The following TNFAIP8L1 variants were observed in gnomAD, a reference collection of about 807,000 sequenced individuals.
The protein encoded by TNFAIP8L1 is TNF alpha induced protein 8 like 1.
For missense variants in TNFAIP8L1, 225 were observed against 266.1 expected, an observed-to-expected ratio of 0.85 and a Z score of 1.08; for synonymous variants, 127 against 125.6, an observed-to-expected ratio of 1.01 and a Z score of -0.08.
At chr19:4,639,718 C>A (rs925542649) in intron 1 of TNFAIP8L1, 89 bp downstream of exon 1, 1 of 152,438 alleles carries the variant, frequency 6.6e-6, no homozygotes, top group African/African-American at 2.4e-5. Context: ...CTTAATGCTT[C>A]TGCACCCCAC....
intron 1 of TNFAIP8L1, 69 bp from the exon 2 acceptor site, chr19:4,651,798 G>A: frequency 1.3e-6 from 2 of 1,492,474 alleles, no homozygotes; most frequent in Non-Finnish European, 1.8e-6. Context: ...GGTCTGTGGT[G>A]TTGTCACCTC....
Position 4,647,724 on chromosome 19 carries a change from C to T in TNFAIP8L1, c.-3-4143C>T, listed in dbSNP as rs541783043. On this transcript the variant is annotated intron_variant, in intron 1 of 1. Coordinates refer to ENST00000327473, the MANE Select transcript of TNFAIP8L1 (RefSeq NM_152362.3). The stretch of plus-strand genomic sequence containing the variant: ...GCAGCCTTGACCTCGTGGGCTCAAG[C>T]GATTCTCCCCCTCTCAGCCTCCCGA... 1.3e-4 allele frequency among the ~76,000 whole-genome samples: 20 copies of T among 149,060 alleles called. No individual in the cohort carries two copies. In the South Asian group the frequency reaches 4.1e-3, roughly 30 times the overall value.
chr19:4,652,466 TTGGGGCTCTCCTGC>T lies in TNFAIP8L1; in HGVS notation c.*41_*54del. 1 of 1,473,670 alleles carries T rather than the reference TTGGGGCTCTCCTGC, an allele frequency of 6.8e-7. No homozygotes were observed. The highest frequency in any genetic ancestry group is 1.4e-5 in the African/African-American group (1 of 70,390). 91.3% of individuals were successfully genotyped at this position (1,473,670 alleles called of 1,614,324 possible). A position where few individuals can be genotyped will look rare whatever the true frequency, so the allele number is the denominator to read the frequency against. On this transcript the variant is annotated 3_prime_UTR_variant, in exon 2 of 2. Transcript: ENST00000327473. ...CGCCCAACCGCGCCCCTCGCGCCTT[TTGGGGCTCTCCTGC>T]TGGGCGCGGGTGGGGTTTGTGGGTT...
At chr19:4,649,666 A>C (rs997100392) in intron 1 of TNFAIP8L1, among the ~76,000 whole-genome samples, 1 of 152,222 alleles carries the variant, frequency 6.6e-6, no homozygotes, top group Admixed American at 6.5e-5. Flanking sequence ...CTCTTCTGCA[A>C]AACAGGCAAC....
At chr19:4,648,051 C>G (rs2088328416) in intron 1 of TNFAIP8L1, among the ~76,000 whole-genome samples, 1 of 152,192 alleles carries the variant, frequency 6.6e-6, no homozygotes, top group Admixed American at 6.5e-5. Flanking sequence ...TTCTGCAAAG[C>G]AGGCAACCTG....
rs1449750164 is a variant in TNFAIP8L1, at chr19:4,652,764, A to C, written c.*334A>C. The C allele has an allele frequency of 9.8e-6, 3 of 305,140 alleles. No homozygotes were observed. The highest frequency in any genetic ancestry group is 1.9e-5 in the Non-Finnish European group (3 of 157,628). The allele number at this position is 305,140 out of a possible 1,614,324, so 18.9% of individuals were successfully genotyped here. A position where few individuals can be genotyped will look rare whatever the true frequency, so the allele number is the denominator to read the frequency against. ...TAAAAGCCAAAAGCTGCTGCCTCCC[A>C]CTTGGATCATGTCGCCTGGGATTTT... On this transcript the variant is annotated 3_prime_UTR_variant, in exon 2 of 2. Transcript: ENST00000327473.
chr19:4,651,896 G>A lies in TNFAIP8L1; in HGVS notation c.27G>A (p.Leu9=). The change falls in exon 2 of 2, where the codon CTG becomes CTA. Residue 9 remains leucine (L), a synonymous_variant. Coordinates refer to ENST00000327473, the MANE Select transcript of TNFAIP8L1 (RefSeq NM_152362.3). Reference sequence around the variant, plus strand: ...TGGACACCTTCAGCACCAAGAGCCTGGCTCTGCAGGCGCAGAAGAAGCTCC... The same window carrying A: ...TGGACACCTTCAGCACCAAGAGCCTAGCTCTGCAGGCGCAGAAGAAGCTCC... MDTFSTKS[L]ALQAQKKLLS... 6.2e-7 allele frequency: 1 copy of A among 1,609,136 alleles called. No homozygotes were observed. Among genetic ancestry groups the A allele is most frequent in the Non-Finnish European group, 8.5e-7 (1 of 1,176,120 alleles).
rs952563416 is a variant in TNFAIP8L1 at position 4,645,792 on chromosome 19, T to TG, written c.-3-6072dup. ...GGTGCCTGGTCACCCATTTTGCAGATGGGAAAGCTGCCCCCATGCATGGGG... is the reference window on the plus strand; with the variant it reads ...GGTGCCTGGTCACCCATTTTGCAGATGGGGAAAGCTGCCCCCATGCATGGGG... On this transcript the variant is annotated intron_variant, in intron 1 of 1. Coordinates refer to ENST00000327473, the MANE Select transcript of TNFAIP8L1 (RefSeq NM_152362.3). This position sits in a 1 kb window ranked among gnomAD's most constrained non-coding sequence, Gnocchi z 4.1. Among the ~76,000 whole-genome samples the TG allele has an allele frequency of 6.6e-6, 1 of 151,214 alleles. No individual in the cohort carries two copies. Among genetic ancestry groups the TG allele is most frequent in the African/African-American group, 2.4e-5 (1 of 41,060 alleles).
Position 4,641,118 on chromosome 19 carries a change from C to T in TNFAIP8L1, c.-4+1489C>T, listed in dbSNP as rs1426383178. On this transcript the variant is annotated intron_variant, in intron 1 of 1. Transcript: ENST00000327473. This position sits in a 1 kb window ranked among gnomAD's most constrained non-coding sequence, Gnocchi z 4.6. The stretch of plus-strand genomic sequence containing the variant: ...TCTGAGGCCCCGCGGTACGGCCCCT[C>T]CCACTGTGTGGCCTTGGACCGACGG... 2.0e-5 allele frequency: 3 copies of T among 152,310 alleles called. No homozygotes were observed. The highest frequency in any genetic ancestry group is 7.2e-5 in the African/African-American group (3 of 41,436). The allele number at this position is 152,310 out of a possible 1,614,324, so 9.4% of individuals were successfully genotyped here.
chr19:4,640,580 C>T (rs542116138), intron 1 of TNFAIP8L1: 16 of 152,428 alleles, frequency 1.0e-4, no homozygotes, highest in African/African-American at 3.8e-4. Context: ...TCAGTTTCCT[C>T]ATCTGTAAAA....
At chr19:4,647,797 A>G (rs1334491776) in intron 1 of TNFAIP8L1, among the ~76,000 whole-genome samples, 2 of 151,436 alleles carry the variant, frequency 1.3e-5, no homozygotes, top group African/African-American at 2.4e-5. Flanking sequence ...TAATTAAAAA[A>G]AATTTTTTTT....
rs753299592 is a variant in TNFAIP8L1, at chr19:4,653,672, T to G, written c.*1242T>G. On this transcript the variant is annotated 3_prime_UTR_variant, in exon 2 of 2. Transcript: ENST00000327473. ...TGGGAGGCTGAGGCAGGAGAATCGC[T>G]TGAACCTGGGAGGCGCAGGTTGCAG... 1.3e-5 allele frequency: 2 copies of G among 148,890 alleles called. No homozygotes were observed. Among genetic ancestry groups the G allele is most frequent in the Non-Finnish European group, 3.0e-5 (2 of 67,654 alleles). The allele number at this position is 148,890 out of a possible 1,614,324, so 9.2% of individuals were successfully genotyped here.
Position 4,655,445 on chromosome 19 carries a change from ACTCT to A in TNFAIP8L1, c.*3018_*3021del, listed in dbSNP as rs558341092. 3.3e-5 allele frequency: 5 copies of A among 151,792 alleles called. No individual in the cohort carries two copies. Among genetic ancestry groups the A allele is most frequent in the South Asian group, 4.2e-4 (2 of 4,790 alleles). 9.4% of individuals were successfully genotyped at this position (151,792 alleles called of 1,614,324 possible). On this transcript the variant is annotated 3_prime_UTR_variant, in exon 2 of 2. Coordinates refer to ENST00000327473, the MANE Select transcript of TNFAIP8L1 (RefSeq NM_152362.3). Reference sequence around the variant, plus strand: ...TGCTGTTGAGACATCAGTGTGTAAAACTCTCTGTGTCCCTGTTGGGCTGTCCAGA... The same window carrying A: ...TGCTGTTGAGACATCAGTGTGTAAAACTGTGTCCCTGTTGGGCTGTCCAGA...
intron 1 of TNFAIP8L1, chr19:4,642,173 C>T (rs1041818939): frequency 2.6e-5 from 4 of 152,148 alleles, no homozygotes; most frequent in African/African-American, 9.7e-5. Context: ...GAGTGAAACC[C>T]TGTCTCAAAG....
At chr19:4,649,950 A>G (rs780708603) in intron 1 of TNFAIP8L1, among the ~76,000 whole-genome samples, 10 of 152,204 alleles carry the variant, frequency 6.6e-5, no homozygotes, top group Non-Finnish European at 1.2e-4. Flanking sequence ...GGGTGCCCAC[A>G]TGGCATTCCA....
intron 1 of TNFAIP8L1, among the ~76,000 whole-genome samples, chr19:4,647,263 A>G (rs1237859760): frequency 6.6e-6 from 1 of 152,068 alleles, no homozygotes; most frequent in Non-Finnish European, 1.5e-5. Flanking sequence ...GCTGGGTCCT[A>G]TGGTAACTGT....
intron 1 of TNFAIP8L1, 46 bp from the exon 2 acceptor site, chr19:4,651,814 TGTGAGGA>T: frequency 6.6e-7 from 1 of 1,526,542 alleles, no homozygotes; most frequent in Non-Finnish European, 8.8e-7. Context: ...ACCTCTTCTG[TGTGAGGA>T]GTGCCCCAAC....
Position 4,645,054 on chromosome 19 carries a change from C to T in TNFAIP8L1, c.-4+5425C>T, listed in dbSNP as rs1234852993. Reference sequence around the variant, plus strand: ...CGGGGCTGAGACAAGACAGATGGAGCGGCTGGCGTGCACCTGCAGAGCAGA... The same window carrying T: ...CGGGGCTGAGACAAGACAGATGGAGTGGCTGGCGTGCACCTGCAGAGCAGA... On this transcript the variant is annotated intron_variant, in intron 1 of 1. Transcript: ENST00000327473. This position sits in a 1 kb window ranked among gnomAD's most constrained non-coding sequence, Gnocchi z 4.1. 3.3e-5 allele frequency among the ~76,000 whole-genome samples: 5 copies of T among 152,162 alleles called. No individual in the cohort carries two copies. The highest frequency in any genetic ancestry group is 1.9e-4 in the East Asian group (1 of 5,192).
rs2088369925 is a variant in TNFAIP8L1, at chr19:4,652,002, G to A, written c.133G>A (p.Ala45Thr). 6.2e-7 allele frequency: 1 copy of A among 1,614,074 alleles called. No individual in the cohort carries two copies. Among genetic ancestry groups the A allele is most frequent in the Non-Finnish European group, 8.5e-7 (1 of 1,179,990 alleles). The change falls in exon 2 of 2, where the codon GCC becomes ACC. Residue 45 changes from alanine to threonine, a missense_variant. Coordinates refer to ENST00000327473, the MANE Select transcript of TNFAIP8L1 (RefSeq NM_152362.3). ...TGAGGTGCTGGATGAGCTGTACCGC[G>A]CCACCAGGGAGTTCACGCGCAGCCG... ...SSEVLDELYR[A>T]TREFTRSRKE... is the part of the protein sequence containing the mutation.
Sources: gnomAD v4.1 joint callset for allele counts (sites outside exome capture counted in the v4.1 genomes callset) on GRCh38, gnomAD v4.1.1 for gene constraint, Gnocchi (gnomAD v3.1) non-coding constraint, MANE v1.5 for transcripts, NCBI Gene and HGNC (gene_info 2026-07-23, HGNC 2026-07-21) for gene names.